CNIH4: variants seen among roughly 807,000 people sequenced by gnomAD.
CNIH4 encodes the protein cornichon family member 4.
CNIH4 carries 9 observed loss-of-function variants against 21.5 expected under a neutral mutation model. The ratio of observed to expected loss-of-function variants is 0.42; its 90% CI spans 0.25 to 0.73. CNIH4 has a LOEUF of 0.73. Among genes scored for constraint, CNIH4 ranks in the 30% least tolerant of loss-of-function variants. The probability of loss-of-function intolerance (pLI) is 0.27; values close to 1 mark genes in which losing one functional copy is unlikely to be tolerated. For missense variants in CNIH4, 159 were observed against 170.0 expected, an observed-to-expected ratio of 0.94 and a Z score of 0.36; for synonymous variants, 67 against 59.1, an observed-to-expected ratio of 1.13 and a Z score of -0.61.
chr1:224,363,746 G>A (rs6702649), intron 2 of CNIH4, among the ~76,000 whole-genome samples: 13,419 of 151,962 alleles, frequency 0.088, 1,826 homozygotes, highest in African/African-American at 0.29. Flanking sequence ...TCAAATTTCT[G>A]ATATATGACT....
Position 224,365,964 on chromosome 1 carries a change from T to C in CNIH4, c.224T>C (p.Leu75Ser), listed in dbSNP as rs1264522692. 6.2e-7 allele frequency: 1 copy of C among 1,605,586 alleles called. No individual in the cohort carries two copies. Among genetic ancestry groups the C allele is most frequent in the East Asian group, 2.2e-5 (1 of 44,848 alleles). The change falls in exon 3 of 5, where the codon TTA (leucine) becomes TCA (serine). Residue 75 changes from leucine to serine, a missense_variant. Physicochemically the swap from Leu to Ser is moderately radical, Grantham distance 145. Transcript: ENST00000465271. ...CACTGGTTCATCTTCCTTCTCAACT[T>C]ACCTGTTGCCACTTGGAATATATAT... is the stretch of plus-strand genomic sequence containing the variant. ...SLHWFIFLLNLPVATWNIYRY... is the reference protein window; with the variant it reads ...SLHWFIFLLNSPVATWNIYRY...
intron 1 of CNIH4, 21 bp from the exon 2 acceptor site, chr1:224,360,474 A>C (rs1225510806): frequency 8.2e-7 from 1 of 1,215,700 alleles, no homozygotes; most frequent in South Asian, 1.6e-5. Flanking sequence ...AAATATAATA[A>C]TTCCTTATCT....
chr1:224,372,503 T>C (rs1406867989), intron 4 of CNIH4, among the ~76,000 whole-genome samples: 1 of 152,230 alleles, frequency 6.6e-6, no homozygotes, highest in Non-Finnish European at 1.5e-5. Flanking sequence ...AAAACTTATG[T>C]TGAAGTAAAC....
At chr1:224,371,460 A>ATTTGTT in intron 4 of CNIH4, 37 bp downstream of exon 4, 2 of 1,593,826 alleles carry the variant, frequency 1.3e-6, no homozygotes, top group African/African-American at 2.7e-5. Context: ...TAGATGCCAT[A>ATTTGTT]TTTGTTTTTG....
intron 4 of CNIH4, among the ~76,000 whole-genome samples, chr1:224,374,104 G>A (rs926229102): frequency 4.6e-5 from 7 of 152,160 alleles, no homozygotes; most frequent in African/African-American, 1.7e-4. Flanking sequence ...AGATGTCCTT[G>A]TAGCACTTTT....
At chr1:224,369,597 TA>T (rs1206811534) in intron 3 of CNIH4, among the ~76,000 whole-genome samples, 1 of 150,996 alleles carries the variant, frequency 6.6e-6, no homozygotes, top group Non-Finnish European at 1.5e-5. Flanking sequence ...AATAATAAAC[TA>T]AAAAAGTATA....
chr1:224,364,065 C>A (rs1672378981), intron 2 of CNIH4: 15 of 985,272 alleles, frequency 1.5e-5, no homozygotes, highest in Non-Finnish European at 1.8e-5. Context: ...GTCAGTAAAC[C>A]AAGCATAATA....
At chr1:224,361,996 G>A (rs975880163) in intron 2 of CNIH4, among the ~76,000 whole-genome samples, 34 of 152,104 alleles carry the variant, frequency 2.2e-4, no homozygotes, top group African/African-American at 6.8e-4. Context: ...CAGGGTTCTA[G>A]GCTGGAAAAG....
At chr1:224,371,215 C>T in intron 3 of CNIH4, 68 bp from the exon 4 acceptor site, 1 of 1,501,434 alleles carries the variant, frequency 6.7e-7, no homozygotes. Flanking sequence ...TTATTGGCTA[C>T]TTATATTTGA....
chr1:224,379,077 A>G lies in CNIH4; in HGVS notation c.*3255A>G. 1.3e-6 allele frequency: 2 copies of G among 1,550,574 alleles called. No individual in the cohort carries two copies. Among genetic ancestry groups the G allele is most frequent in the South Asian group, 1.2e-5 (1 of 84,066 alleles). ...TCCTTCTATCCTTTCAGTGGTAGCA[A>G]CTGCCCTTGCTAATCACCGTAACCT... On this transcript the variant is annotated 3_prime_UTR_variant, in exon 5 of 5. Transcript: ENST00000465271.
Position 224,375,930 on chromosome 1 carries a change from CCTCTTGG to C in CNIH4, c.*109_*115del. ...CCGTGACCATAGCAGTATATATTTT[CCTCTTGG>C]AACAAAAAACTATTTTTGCTGTATT... On this transcript the variant is annotated 3_prime_UTR_variant, in exon 5 of 5. Coordinates refer to ENST00000465271, the MANE Select transcript of CNIH4 (RefSeq NM_014184.4). 1 of 1,417,418 alleles carries C rather than the reference CCTCTTGG, an allele frequency of 7.1e-7. No homozygotes were observed. The highest frequency in any genetic ancestry group is 2.7e-5 in the Admixed American group (1 of 36,558). 87.8% of individuals were successfully genotyped at this position (1,417,418 alleles called of 1,614,324 possible).
chr1:224,364,014 T>G (rs1404359920), intron 2 of CNIH4: 2 of 982,854 alleles, frequency 2.0e-6, no homozygotes, highest in East Asian at 1.1e-4. Context: ...GGGCATATCG[T>G]TAAGGAGGGA....
chr1:224,361,651 T>C (rs959476251), intron 2 of CNIH4, among the ~76,000 whole-genome samples: 7 of 151,828 alleles, frequency 4.6e-5, no homozygotes, highest in African/African-American at 1.7e-4. Flanking sequence ...GATGCGATCA[T>C]GGCTCACTGC....
chr1:224,366,060 A>G, intron 3 of CNIH4, 69 bp downstream of exon 3: 1 of 981,118 alleles, frequency 1.0e-6, no homozygotes, highest in Non-Finnish European at 1.7e-6. Context: ...TGTTTTTTTC[A>G]AGACAGGATC....
chr1:224,375,767 T>A (rs200240756), intron 4 of CNIH4, 28 bp from the exon 5 acceptor site: 1 of 1,613,804 alleles, frequency 6.2e-7, no homozygotes, highest in African/African-American at 1.3e-5. Flanking sequence ...GAGAAAACAT[T>A]AGTGACATTC....
At chr1:224,368,494 G>A (rs1672529517) in intron 3 of CNIH4, among the ~76,000 whole-genome samples, 1 of 152,178 alleles carries the variant, frequency 6.6e-6, no homozygotes, top group Non-Finnish European at 1.5e-5. Flanking sequence ...TCAACAGATA[G>A]ATTATTTGCT....
intron 2 of CNIH4, chr1:224,363,973 G>C (rs979252983): frequency 1.3e-6 from 1 of 791,674 alleles, no homozygotes; most frequent in African/African-American, 1.9e-5. Flanking sequence ...TATGAGTCTA[G>C]TGCCAGTGTA....
chr1:224,379,255 ATAG>A lies in CNIH4; in HGVS notation c.*3439_*3441del. On this transcript the variant is annotated 3_prime_UTR_variant, in exon 5 of 5. Coordinates refer to ENST00000465271, the MANE Select transcript of CNIH4 (RefSeq NM_014184.4). ...AAGTTAAGAGCTAAGAAAGCTTCCT[ATAG>A]TAGTATCTCCCATGGCACTTACCAC... is the stretch of plus-strand genomic sequence containing the variant. 1.2e-5 allele frequency: 8 copies of A among 667,670 alleles called. No homozygotes were observed. Among genetic ancestry groups the A allele is most frequent in the Non-Finnish European group, 2.1e-5 (8 of 380,426 alleles). 41.4% of individuals were successfully genotyped at this position (667,670 alleles called of 1,614,324 possible).
Position 224,379,400 on chromosome 1 carries a change from T to G in CNIH4, c.*3578T>G, listed in dbSNP as rs1052707292. 1 of 386,170 alleles carries G rather than the reference T, an allele frequency of 2.6e-6. No homozygotes were observed. The highest frequency in any genetic ancestry group is 4.9e-6 in the Non-Finnish European group (1 of 205,170). 23.9% of individuals were successfully genotyped at this position (386,170 alleles called of 1,614,324 possible). A position where few individuals can be genotyped will look rare whatever the true frequency, so the allele number is the denominator to read the frequency against. On this transcript the variant is annotated 3_prime_UTR_variant, in exon 5 of 5. Coordinates refer to ENST00000465271, the MANE Select transcript of CNIH4 (RefSeq NM_014184.4). ...TCTTCTTCCTTCTGCTCTTGGCACC[T>G]AACACAGTGCCTTGCACACAAACAA...
Sources: allele counts gnomAD v4.1 joint callset (sites outside exome capture counted in the v4.1 genomes callset), GRCh38; gene constraint gnomAD v4.1.1; transcripts MANE v1.5; gene names NCBI Gene and HGNC (gene_info 2026-07-23, HGNC 2026-07-21).